The following DPP10 variants were observed in gnomAD, a reference collection of about 807,000 sequenced individuals.
DPP10 encodes the protein inactive dipeptidyl peptidase 10.
In DPP10, 33 loss-of-function variants were observed where a neutral mutation model predicts 120.9. The ratio of observed to expected loss-of-function variants is 0.27; its 90% CI spans 0.21 to 0.37. DPP10 has a LOEUF of 0.37. Among genes scored for constraint, DPP10 ranks in the 10% least tolerant of loss-of-function variants. The probability of loss-of-function intolerance (pLI) is 1.00; values close to 1 mark genes in which losing one functional copy is unlikely to be tolerated. For missense variants in DPP10, 816 were observed against 942.8 expected, an observed-to-expected ratio of 0.87 and a Z score of 1.76; for synonymous variants, 337 against 326.1, an observed-to-expected ratio of 1.03 and a Z score of -0.36.
At chr2:115,037,324 A>G (rs1263423733) in intron 1 of DPP10, among the ~76,000 whole-genome samples, 1 of 152,248 alleles carries the variant, frequency 6.6e-6, no homozygotes, top group Non-Finnish European at 1.5e-5. Flanking sequence ...GTAGACTTAC[A>G]GATATTACAC....
intron 1 of DPP10, among the ~76,000 whole-genome samples, chr2:114,556,418 TG>T (rs1014318784): frequency 3.3e-5 from 5 of 151,910 alleles, no homozygotes; most frequent in African/African-American, 1.2e-4. Context: ...AGGTTTGGCC[TG>T]AAGAGTTGGG....
Position 115,078,386 on chromosome 2 carries a change from G to C in DPP10, c.61-230853G>C, listed in dbSNP as rs1029625072. On this transcript the variant is annotated intron_variant, in intron 1 of 25. Coordinates refer to ENST00000410059, the MANE Select transcript of DPP10 (RefSeq NM_020868.6). ...GGTTGGAAATTTGTTATTCAAAAAA[G>C]ATTAAGACTAATTTTGTAAAACTGT... Among the ~76,000 whole-genome samples the C allele has an allele frequency of 2.6e-5, 4 of 152,190 alleles. No homozygotes were observed. In the East Asian group the frequency reaches 7.7e-4, roughly 29 times the overall value.
At chr2:115,273,805 A>C (rs1237079823) in intron 1 of DPP10, among the ~76,000 whole-genome samples, 1 of 152,220 alleles carries the variant, frequency 6.6e-6, no homozygotes, top group East Asian at 1.9e-4. Flanking sequence ...ACTGATCCTA[A>C]AGATTGAATT....
In DPP10 at chr2:114,598,528, A is replaced by G. The variant is rs1187405047; in HGVS notation, c.60+155690A>G. 5.3e-5 allele frequency among the ~76,000 whole-genome samples: 8 copies of G among 151,868 alleles called. No individual in the cohort carries two copies. The East Asian group carries it at 1.5e-3, about 29-fold the overall frequency. On this transcript the variant is annotated intron_variant, in intron 1 of 25. Coordinates refer to ENST00000410059, the MANE Select transcript of DPP10 (RefSeq NM_020868.6). ...AAGAATGCCAACACTTAATAACTGA[A>G]TAAGCTTGGGTTGGTATTCAAGTGA...
chr2:115,402,854 A>AATATATATATATAT (rs757052503), intron 3 of DPP10, among the ~76,000 whole-genome samples: 24 of 97,634 alleles, frequency 2.5e-4, no homozygotes, highest in East Asian at 9.6e-4. Flanking sequence ...AAAAAAAAAA[A>AATATATATATATAT]ATATATATAT....
Position 115,436,325 on chromosome 2 carries a change from A to G in DPP10, c.272-63185A>G, listed in dbSNP as rs562417963. On this transcript the variant is annotated intron_variant, in intron 3 of 25. Transcript: ENST00000410059. ...AAATTTGGTTTAATTTGTCTCTACA[A>G]ATTTAATTGTAAGAGTTTAGGATTT... is the stretch of plus-strand genomic sequence containing the variant. Among the ~76,000 whole-genome samples the G allele has an allele frequency of 3.9e-5, 6 of 151,962 alleles. No homozygotes were observed. In the South Asian group the frequency reaches 1.2e-3, roughly 31 times the overall value.
chr2:115,070,920 C>T (rs975732596), intron 1 of DPP10, among the ~76,000 whole-genome samples: 5 of 152,174 alleles, frequency 3.3e-5, no homozygotes, highest in South Asian at 2.1e-4. Flanking sequence ...TGGCTTTAGG[C>T]GTGAAATTTC....
chr2:114,474,736 T>C (rs1680230721), intron 1 of DPP10, among the ~76,000 whole-genome samples: 1 of 152,184 alleles, frequency 6.6e-6, no homozygotes, highest in African/African-American at 2.4e-5. Context: ...ACTTTGACCT[T>C]GGGGGAGAAA....
intron 2 of DPP10, among the ~76,000 whole-genome samples, chr2:115,314,680 A>T (rs936270754): frequency 6.6e-6 from 1 of 152,168 alleles, no homozygotes; most frequent in Admixed American, 6.6e-5. Context: ...TTCATAGGCC[A>T]TGTTGGGTAA....
chr2:115,062,127 TCTGTGTG>T (rs1322931776), intron 1 of DPP10, among the ~76,000 whole-genome samples: 1 of 92,376 alleles, frequency 1.1e-5, no homozygotes, highest in African/African-American at 5.3e-5. Context: ...AGATTACAGT[TCTGTGTG>T]TGTGTGTGTG....
intron 3 of DPP10, among the ~76,000 whole-genome samples, chr2:115,380,691 C>T (rs1215909886): frequency 6.6e-6 from 1 of 151,956 alleles, no homozygotes; most frequent in African/African-American, 2.4e-5. Context: ...TGGCTGGTAC[C>T]AGTTGTTCCT....
intron 1 of DPP10, among the ~76,000 whole-genome samples, chr2:114,983,419 A>G (rs1700206123): frequency 6.6e-6 from 1 of 152,210 alleles, no homozygotes; most frequent in Non-Finnish European, 1.5e-5. Context: ...ATATTTCTTA[A>G]ATCTCAACTA....
chr2:115,733,816 C>A (rs1026209776), intron 8 of DPP10, among the ~76,000 whole-genome samples: 1 of 152,174 alleles, frequency 6.6e-6, no homozygotes, highest in African/African-American at 2.4e-5. Flanking sequence ...CTGAAAACTC[C>A]ATCTGCTCTG....
At chr2:115,237,611 G>A (rs984038497) in intron 1 of DPP10, among the ~76,000 whole-genome samples, 6 of 152,162 alleles carry the variant, frequency 3.9e-5, no homozygotes, top group African/African-American at 1.4e-4. Context: ...AGGCCTCTTG[G>A]TTCAGTTATC....
At chr2:115,181,754 A>C (rs930231892) in intron 1 of DPP10, among the ~76,000 whole-genome samples, 1 of 152,238 alleles carries the variant, frequency 6.6e-6, no homozygotes, top group Non-Finnish European at 1.5e-5. Context: ...AGAAATGGTA[A>C]GGACTGTGCA....
At chr2:114,672,333 T>C (rs1369470297) in intron 1 of DPP10, among the ~76,000 whole-genome samples, 3 of 152,220 alleles carry the variant, frequency 2.0e-5, no homozygotes, top group African/African-American at 7.2e-5. Flanking sequence ...ATTTTCTTTC[T>C]GCAAGTTATC....
At chr2:115,406,644 A>G (rs1040768175) in intron 3 of DPP10, among the ~76,000 whole-genome samples, 69 of 152,190 alleles carry the variant, frequency 4.5e-4, no homozygotes, top group Admixed American at 1.2e-3. Flanking sequence ...GAGAGGCTAT[A>G]TTAAAATCAG....
chr2:114,474,752 C>T (rs1232276094), intron 1 of DPP10, among the ~76,000 whole-genome samples: 1 of 152,130 alleles, frequency 6.6e-6, no homozygotes, highest in Non-Finnish European at 1.5e-5. Context: ...AGAAACACAC[C>T]CATTACTGAG....
chr2:115,124,854 C>G (rs1343210774), intron 1 of DPP10, among the ~76,000 whole-genome samples: 2 of 151,992 alleles, frequency 1.3e-5, no homozygotes, highest in African/African-American at 4.8e-5. Flanking sequence ...AATAAATGAA[C>G]TAAAAAAATA....
Sources: allele counts gnomAD v4.1 joint callset (sites outside exome capture counted in the v4.1 genomes callset), GRCh38; gene constraint gnomAD v4.1.1; transcripts MANE v1.5; gene names NCBI Gene and HGNC (gene_info 2026-07-23, HGNC 2026-07-21).